NAPEPLD: variants seen among roughly 807,000 people sequenced by gnomAD.
NAPEPLD encodes N-acyl phosphatidylethanolamine phospholipase D, also known as N-acyl-phosphatidylethanolamine-hydrolyzing phospholipase D.
Under a neutral mutation model 38.1 loss-of-function variants are expected in NAPEPLD, and 23 were observed. The ratio of observed to expected loss-of-function variants is 0.60; its 90% CI spans 0.43 to 0.86. NAPEPLD has a LOEUF of 0.86. Among genes scored for constraint, NAPEPLD ranks in the 40% least tolerant of loss-of-function variants. The pLI, the probability that NAPEPLD is intolerant of heterozygous loss-of-function variation, is 0.00. For missense variants in NAPEPLD, 411 were observed against 476.8 expected, an observed-to-expected ratio of 0.86 and a Z score of 1.28; for synonymous variants, 147 against 162.0, an observed-to-expected ratio of 0.91 and a Z score of 0.71.
intron 1 of NAPEPLD, chr7:103,141,541 T>C (rs1437405995): frequency 7.5e-7 from 1 of 1,339,894 alleles, no homozygotes; most frequent in Non-Finnish European, 1.1e-6. Context: ...TCTGCTTGTT[T>C]TTTAACACAT....
intron 1 of NAPEPLD, among the ~76,000 whole-genome samples, chr7:103,143,813 G>A (rs1351096612): frequency 1.3e-5 from 2 of 152,280 alleles, no homozygotes; most frequent in South Asian, 2.1e-4. Flanking sequence ...CAGGTTTAGG[G>A]GAGCTATAAA....
At chr7:103,138,388 C>G (rs2129534620) in intron 1 of NAPEPLD, among the ~76,000 whole-genome samples, 1 of 151,806 alleles carries the variant, frequency 6.6e-6, no homozygotes, top group Middle Eastern at 3.5e-3. Flanking sequence ...CTGGACAGGA[C>G]AGAGAAAGAG....
chr7:103,140,387 C>CTTTTT lies in NAPEPLD; in HGVS notation c.-17+8419_-17+8423dup, dbSNP rs377763676. The stretch of plus-strand genomic sequence containing the variant: ...GCCTGATCTTGGAATTCACAGAACT[C>CTTTTT]TTTTTTTTTTTTTTTTTTTTTTTGA... On this transcript the variant is annotated intron_variant, in intron 1 of 4. Coordinates refer to ENST00000465647, the MANE Select transcript of NAPEPLD (RefSeq NM_001122838.3). Among the ~76,000 whole-genome samples, 24 of 92,618 alleles carry CTTTTT rather than the reference C, an allele frequency of 2.6e-4. 1 individual carries two copies. The highest frequency in any genetic ancestry group is 7.4e-4 in the East Asian group (2 of 2,694). The allele number at this position is 92,618 out of a possible 152,430, so 60.8% of individuals were successfully genotyped here.
chr7:103,121,309 A>T (rs1421976165), intron 2 of NAPEPLD, among the ~76,000 whole-genome samples: 2 of 152,206 alleles, frequency 1.3e-5, no homozygotes, highest in East Asian at 3.8e-4. Flanking sequence ...GCAGCATCAC[A>T]GTCCTGGCTT....
chr7:103,146,272 G>A (rs1812538827), intron 1 of NAPEPLD, among the ~76,000 whole-genome samples: 1 of 151,754 alleles, frequency 6.6e-6, no homozygotes, highest in African/African-American at 2.4e-5. Context: ...TTGAACACAC[G>A]AGGCACAGGT....
At chr7:103,127,598 G>T (rs1360306194) in intron 2 of NAPEPLD, 1 of 152,150 alleles carries the variant, frequency 6.6e-6, no homozygotes, top group African/African-American at 2.4e-5. Flanking sequence ...ACCCTGGGAA[G>T]GCATCAGCTC....
chr7:103,148,160 T>G lies in NAPEPLD; in HGVS notation c.-17+651A>C, dbSNP rs554780859. 4.4e-6 allele frequency: 4 copies of G among 914,418 alleles called. No individual in the cohort carries two copies. The South Asian group carries it at 2.0e-4, about 46-fold the overall frequency. The allele number at this position is 914,418 out of a possible 1,614,324, so 56.6% of individuals were successfully genotyped here. A position where few individuals can be genotyped will look rare whatever the true frequency, so the allele number is the denominator to read the frequency against. ...TCCATTTTTTAACAAACATGGGAAT[T>G]ATTTCTCAATTTGAAGAACTGCATC... is the stretch of plus-strand genomic sequence containing the variant. On this transcript the variant is annotated intron_variant, in intron 1 of 4. Coordinates refer to ENST00000465647, the MANE Select transcript of NAPEPLD (RefSeq NM_001122838.3).
intron 1 of NAPEPLD, among the ~76,000 whole-genome samples, chr7:103,130,597 A>AT (rs935834551): frequency 8.6e-5 from 13 of 151,094 alleles, no homozygotes; most frequent in South Asian, 2.1e-4. Flanking sequence ...TAAATTGTTT[A>AT]TTTTTTTTTA....
Position 103,115,091 on chromosome 7 carries a change from A to G in NAPEPLD, c.1025T>C (p.Ile342Thr). Reference protein sequence around the residue: ...TDVQTKKSMAIHWGTFALANE... With the variant: ...TDVQTKKSMATHWGTFALANE... ...TGCTAAGGCAAAAGTTCCCCAGTGAATTGCCATAGATTTCTTTGTTTGGAC... is the reference window on the plus strand; with the variant it reads ...TGCTAAGGCAAAAGTTCCCCAGTGAGTTGCCATAGATTTCTTTGTTTGGAC... Residue 342 changes from isoleucine (I) to threonine (T), a missense_variant, in exon 4 of 5, where the codon ATT becomes ACT. Coordinates refer to ENST00000465647, the MANE Select transcript of NAPEPLD (RefSeq NM_001122838.3). 1 of 1,613,888 alleles carries G rather than the reference A, an allele frequency of 6.2e-7. No individual in the cohort carries two copies. The highest frequency in any genetic ancestry group is 8.5e-7 in the Non-Finnish European group (1 of 1,179,894).
intron 1 of NAPEPLD, among the ~76,000 whole-genome samples, chr7:103,139,718 G>A (rs1445424948): frequency 6.6e-6 from 1 of 152,168 alleles, no homozygotes; most frequent in African/African-American, 2.4e-5. Flanking sequence ...GTCATGCGTG[G>A]TCCATCCTCT....
At chr7:103,114,527 T>G (rs1241289391) in intron 4 of NAPEPLD, among the ~76,000 whole-genome samples, 1 of 152,202 alleles carries the variant, frequency 6.6e-6, no homozygotes, top group Non-Finnish European at 1.5e-5. Flanking sequence ...GAGCCTATGC[T>G]CTGCCCTTTC....
At chr7:103,114,085 C>T (rs375530184) in intron 4 of NAPEPLD, among the ~76,000 whole-genome samples, 4 of 138,812 alleles carry the variant, frequency 2.9e-5, no homozygotes, top group Non-Finnish European at 6.2e-5. Context: ...TTAGTAGAGA[C>T]GGGGTTTCGC....
intron 1 of NAPEPLD, among the ~76,000 whole-genome samples, chr7:103,139,235 C>T (rs775248194): frequency 3.3e-5 from 5 of 152,134 alleles, no homozygotes; most frequent in Non-Finnish European, 4.4e-5. Context: ...TTGCATTTAA[C>T]AAACATTGTT....
At position 103,106,112 on chromosome 7, in the gene NAPEPLD, G is replaced by A. The variant is rs184858588; in HGVS notation, c.1057-2558C>T. 2.6e-3 allele frequency among the ~76,000 whole-genome samples: 391 copies of A among 152,150 alleles called. 2 individuals are homozygous for A. The highest frequency in any genetic ancestry group is 9.1e-3 in the African/African-American group (379 of 41,522). On this transcript the variant is annotated intron_variant, in intron 4 of 4. Transcript: ENST00000465647. The stretch of plus-strand genomic sequence containing the variant: ...CGGAGGGTGAGCCAAAGGAGGGTGG[G>A]GCATTGCCTCATCCAGGAAGAACAA...
At chr7:103,127,996 C>T (rs1019683461) in intron 2 of NAPEPLD, 1 of 153,968 alleles carries the variant, frequency 6.5e-6, no homozygotes, top group Non-Finnish European at 1.4e-5. Context: ...CCTTTCACAG[C>T]TTTGGTAGCC....
At chr7:103,112,036 C>T (rs1026788270) in intron 4 of NAPEPLD, among the ~76,000 whole-genome samples, 1 of 151,350 alleles carries the variant, frequency 6.6e-6, no homozygotes, top group Non-Finnish European at 1.5e-5. Context: ...TAGAGAAATG[C>T]AAATCAAAAC....
intron 2 of NAPEPLD, chr7:103,126,768 G>A (rs1217797505): frequency 1.4e-5 from 2 of 143,676 alleles, no homozygotes; most frequent in Admixed American, 1.5e-4. Context: ...TATTGCACCT[G>A]GCTAATTTTT....
intron 1 of NAPEPLD, among the ~76,000 whole-genome samples, chr7:103,146,767 C>T (rs553931109): frequency 6.6e-6 from 1 of 152,230 alleles, no homozygotes; most frequent in African/African-American, 2.4e-5. Flanking sequence ...TTCATTGGAA[C>T]CCCGCTGTAA....
At chr7:103,120,340 T>C in intron 2 of NAPEPLD, 117 bp from the exon 3 acceptor site, 1 of 1,082,168 alleles carries the variant, frequency 9.2e-7, no homozygotes, top group East Asian at 2.5e-5. Flanking sequence ...AGAACTAAAG[T>C]CATTCAATAA....
Sources: gnomAD v4.1 joint callset for allele counts (sites outside exome capture counted in the v4.1 genomes callset) on GRCh38, gnomAD v4.1.1 for gene constraint, MANE v1.5 for transcripts, NCBI Gene and HGNC (gene_info 2026-07-23, HGNC 2026-07-21) for gene names.